Variants in MAPDA observed in about 807,000 individuals in gnomAD.
MAPDA encodes N6,N6-dimethyl-AMP deaminase.
the MAPDA span, chr15:43,334,814 T>G: frequency 7.4e-6 from 2 of 270,666 alleles, no homozygotes; most frequent in Non-Finnish European, 1.4e-5. Context: ...TTTATGTTGT[T>G]TACTAATCGT....
the MAPDA span, chr15:43,340,316 G>T: frequency 6.2e-7 from 1 of 1,614,084 alleles, no homozygotes; most frequent in East Asian, 2.2e-5. Context: ...CAAGTACCTG[G>T]AACTAAGGAG....
chr15:43,344,308 A>G, the MAPDA span, among the ~76,000 whole-genome samples: 2 of 152,186 alleles, frequency 1.3e-5, no homozygotes, highest in Non-Finnish European at 2.9e-5. Context: ...ACATTATGGT[A>G]TGCTCATATG....
At chr15:43,353,002 G>A in the MAPDA span, 1 of 151,660 alleles carries the variant, frequency 6.6e-6, no homozygotes, top group Admixed American at 6.6e-5. Context: ...CTGGAGTGCA[G>A]TGACATGATC....
At chr15:43,331,867 G>A in the MAPDA span, 3 of 152,346 alleles carry the variant, frequency 2.0e-5, no homozygotes, top group East Asian at 5.8e-4. Flanking sequence ...AAAGAATATT[G>A]TGGGATAAAA....
the MAPDA span, among the ~76,000 whole-genome samples, chr15:43,332,877 C>T: frequency 2.0e-5 from 3 of 152,294 alleles, no homozygotes; most frequent in South Asian, 6.2e-4. Context: ...TGTTTGTTGC[C>T]TTCCGTCCCA....
the MAPDA span, chr15:43,349,063 A>G: frequency 1.2e-6 from 2 of 1,613,998 alleles, no homozygotes. Context: ...TTGGAGTTTC[A>G]GGTCTTCCAG....
At chr15:43,343,108 A>G in the MAPDA span, 3 of 1,427,118 alleles carry the variant, frequency 2.1e-6, no homozygotes, top group Non-Finnish European at 9.5e-7. Context: ...GTTAACATTT[A>G]CAAAACCAGA....
chr15:43,335,827 G>A, the MAPDA span: 2 of 1,612,370 alleles, frequency 1.2e-6, no homozygotes, highest in South Asian at 2.2e-5. Flanking sequence ...CTTTGGAAGA[G>A]TAAGTGTGGG....
the MAPDA span, chr15:43,330,424 G>A: frequency 2.6e-6 from 4 of 1,563,570 alleles, no homozygotes; most frequent in Non-Finnish European, 3.4e-6. Flanking sequence ...AACGCTTGCT[G>A]AGGGCGCTGC....
chr15:43,334,108 CAT>C, the MAPDA span, among the ~76,000 whole-genome samples: 1 of 151,400 alleles, frequency 6.6e-6, no homozygotes, highest in Non-Finnish European at 1.5e-5. Flanking sequence ...GTGACTGGCT[CAT>C]GTGGGAACAT....
chr15:43,332,786 A>G, the MAPDA span, among the ~76,000 whole-genome samples: 1 of 152,100 alleles, frequency 6.6e-6, no homozygotes, highest in East Asian at 1.9e-4. Context: ...AGCATGAAAA[A>G]AGTTCCCTGG....
At chr15:43,338,404 A>G in the MAPDA span, among the ~76,000 whole-genome samples, 1 of 152,266 alleles carries the variant, frequency 6.6e-6, no homozygotes, top group African/African-American at 2.4e-5. Flanking sequence ...TACATGTACC[A>G]GACATTATTC....
chr15:43,334,963 C>A, the MAPDA span: 2 of 636,854 alleles, frequency 3.1e-6, no homozygotes. Context: ...GAACCCAGAT[C>A]TACACATACA....
At chr15:43,341,149 A>G in the MAPDA span, among the ~76,000 whole-genome samples, 1 of 152,188 alleles carries the variant, frequency 6.6e-6, no homozygotes, top group Non-Finnish European at 1.5e-5. Context: ...AAAGAGACCT[A>G]GGTCATCTTG....
chr15:43,343,102 A>C, the MAPDA span: 1 of 1,455,370 alleles, frequency 6.9e-7, no homozygotes, highest in African/African-American at 1.5e-5. Flanking sequence ...TTAGTAGTTA[A>C]CATTTACAAA....
the MAPDA span, among the ~76,000 whole-genome samples, chr15:43,337,297 G>A: frequency 6.3e-4 from 86 of 135,470 alleles, 1 homozygote; most frequent in East Asian, 5.3e-3. Context: ...AAAAAAAAAA[G>A]AGAAGTATTA....
At chr15:43,337,112 C>CAA in the MAPDA span, among the ~76,000 whole-genome samples, 161 of 137,684 alleles carry the variant, frequency 1.2e-3, no homozygotes, top group African/African-American at 3.4e-3. Context: ...ACTAAAAATA[C>CAA]AAAAAAAAAA....
the MAPDA span, chr15:43,330,383 G>T: frequency 3.1e-6 from 5 of 1,604,738 alleles, no homozygotes; most frequent in Non-Finnish European, 4.2e-6. Flanking sequence ...CGCGGCAAAG[G>T]GGTCCTGCAC....
chr15:43,330,643 G>T, the MAPDA span: 5 of 868,304 alleles, frequency 5.8e-6, no homozygotes, highest in Non-Finnish European at 8.4e-6. Flanking sequence ...CGGGAAGAGC[G>T]CATCTCGCCA....
Sources: gnomAD v4.1 joint callset for allele counts (sites outside exome capture counted in the v4.1 genomes callset) on GRCh38, gnomAD v4.1.1 for gene constraint, MANE v1.5 for transcripts, NCBI Gene and HGNC (gene_info 2026-07-23, HGNC 2026-07-21) for gene names.